GABRB1: variants seen among roughly 807,000 people sequenced by gnomAD.
GABRB1 encodes the protein gamma-aminobutyric acid receptor subunit beta-1.
Under a neutral mutation model 51.6 loss-of-function variants are expected in GABRB1, and 17 were observed. The observed-to-expected ratio is 0.33, with a 90% confidence interval of 0.23 to 0.49. GABRB1 has a LOEUF of 0.49. Ranked by LOEUF, GABRB1 falls within the 20% of genes least tolerant of loss-of-function variation. The pLI is 0.99. For missense variants in GABRB1, 410 were observed against 600.6 expected (o/e 0.68, Z 3.32); for synonymous variants, 247 against 218.9 (o/e 1.13, Z -1.14).
At chr4:47,097,777 A>T (rs1404008062) in intron 3 of GABRB1, among the ~76,000 whole-genome samples, 1 of 152,212 alleles carries the variant, frequency 6.6e-6, no homozygotes, top group African/African-American at 2.4e-5. Context: ...AATAACATTT[A>T]TATTCAACCT....
At chr4:47,103,546 A>G (rs1205478869) in intron 3 of GABRB1, among the ~76,000 whole-genome samples, 2 of 151,984 alleles carry the variant, frequency 1.3e-5, no homozygotes, top group Admixed American at 1.3e-4. Flanking sequence ...TGATTGAAGA[A>G]ATTGTCTTTC....
At chr4:47,394,207 G>T (rs753291512) in intron 5 of GABRB1, among the ~76,000 whole-genome samples, 8 of 152,148 alleles carry the variant, frequency 5.3e-5, no homozygotes, top group Non-Finnish European at 7.3e-5. Flanking sequence ...ACTTGAAAAT[G>T]GGCCACCCAG....
chr4:47,365,865 G>A (rs972622043), intron 5 of GABRB1, among the ~76,000 whole-genome samples: 2 of 152,158 alleles, frequency 1.3e-5, no homozygotes, highest in Non-Finnish European at 2.9e-5. Context: ...AGAGGTGGTG[G>A]TGACTGGCTC....
chr4:47,201,664 T>A (rs1490314489), intron 4 of GABRB1, among the ~76,000 whole-genome samples: 1 of 152,314 alleles, frequency 6.6e-6, no homozygotes, highest in Admixed American at 6.5e-5. Context: ...TTTATTATTA[T>A]GCCTAAAAAT....
chr4:47,025,342 A>G (rs1358445512), intron 1 of GABRB1, among the ~76,000 whole-genome samples: 2 of 151,906 alleles, frequency 1.3e-5, no homozygotes, highest in Non-Finnish European at 2.9e-5. Context: ...TAGTGGTTGT[A>G]CTAGTTTACA....
At chr4:47,145,918 A>T (rs1717148466) in intron 3 of GABRB1, among the ~76,000 whole-genome samples, 1 of 152,062 alleles carries the variant, frequency 6.6e-6, no homozygotes, top group Non-Finnish European at 1.5e-5. Context: ...GATGAAAAAA[A>T]TGCATCAGCA....
intron 5 of GABRB1, among the ~76,000 whole-genome samples, chr4:47,332,404 A>G (rs1432096300): frequency 6.6e-6 from 1 of 152,168 alleles, no homozygotes; most frequent in Non-Finnish European, 1.5e-5. Context: ...ATTAACATCT[A>G]CAACCTTGGA....
At chr4:47,177,954 C>T (rs982301994) in intron 4 of GABRB1, among the ~76,000 whole-genome samples, 2 of 151,582 alleles carry the variant, frequency 1.3e-5, no homozygotes, top group African/African-American at 4.8e-5. Context: ...ATTTGGGTTC[C>T]GAGTGTGAGG....
chr4:47,360,786 C>G (rs1726780334), intron 5 of GABRB1, among the ~76,000 whole-genome samples: 1 of 151,994 alleles, frequency 6.6e-6, no homozygotes, highest in Non-Finnish European at 1.5e-5. Context: ...AGCATTGGGT[C>G]AAGAATCCAC....
chr4:47,279,775 T>A (rs542912988), intron 4 of GABRB1, among the ~76,000 whole-genome samples: 1 of 152,152 alleles, frequency 6.6e-6, no homozygotes, highest in South Asian at 2.1e-4. Context: ...TCTTTTTCTA[T>A]CCCTTAATTT....
At chr4:47,175,423 C>T (rs1718653283) in intron 4 of GABRB1, among the ~76,000 whole-genome samples, 1 of 152,010 alleles carries the variant, frequency 6.6e-6, no homozygotes, top group African/African-American at 2.4e-5. Context: ...CTATAGTTAG[C>T]ACATATTAAG....
chr4:47,409,708 C>G (rs7693953), intron 8 of GABRB1, among the ~76,000 whole-genome samples: 28,660 of 152,202 alleles, frequency 0.19, 2,798 homozygotes, highest in Middle Eastern at 0.23. Flanking sequence ...GGAACTACCC[C>G]CTTCTTTCCA....
At chr4:47,024,046 A>G (rs950382548) in intron 1 of GABRB1, among the ~76,000 whole-genome samples, 4 of 151,988 alleles carry the variant, frequency 2.6e-5, no homozygotes, top group Non-Finnish European at 4.4e-5. Context: ...CTACTGTGCC[A>G]TTCAACCCAT....
chr4:47,143,960 T>C (rs1211219163), intron 3 of GABRB1, among the ~76,000 whole-genome samples: 1 of 151,900 alleles, frequency 6.6e-6, no homozygotes, highest in Non-Finnish European at 1.5e-5. Flanking sequence ...TACTCCAAAA[T>C]ATGTGCTGAA....
At chr4:47,254,574 G>A (rs562510521) in intron 4 of GABRB1, among the ~76,000 whole-genome samples, 21 of 151,556 alleles carry the variant, frequency 1.4e-4, no homozygotes, top group Admixed American at 5.9e-4. Flanking sequence ...GGGTTTCACC[G>A]TGTTAGCCAG....
chr4:47,295,863 G>A (rs528207695), intron 4 of GABRB1, among the ~76,000 whole-genome samples: 1 of 152,270 alleles, frequency 6.6e-6, no homozygotes, highest in East Asian at 1.9e-4. Flanking sequence ...AGAGAGAAAG[G>A]TCGGGTTAAC....
In GABRB1 at chr4:47,056,089, G is replaced by A. The variant is rs971235752; in HGVS notation, c.240+23605G>A. 6.6e-5 allele frequency among the ~76,000 whole-genome samples: 10 copies of A among 152,190 alleles called. No individual in the cohort carries two copies. The East Asian group carries it at 1.9e-3, about 29-fold the overall frequency. On this transcript the variant is annotated intron_variant, in intron 3 of 8. Coordinates refer to ENST00000295454, the MANE Select transcript of GABRB1 (RefSeq NM_000812.4). ...CTGATACATCCAAATTTCAACTCTT[G>A]TTCTATTAATGACTCAGGCTGGGAA...
At chr4:47,030,750 T>G (rs1318932710), upstream of GABRB1, among the ~76,000 whole-genome samples, 1 of 152,220 alleles carries the variant, frequency 6.6e-6, no homozygotes, top group African/African-American at 2.4e-5. Flanking sequence ...TGTCTGGATG[T>G]TTCAGAGTTC....
intron 3 of GABRB1, among the ~76,000 whole-genome samples, chr4:47,111,286 A>C (rs939953460): frequency 1.3e-5 from 2 of 152,108 alleles, no homozygotes; most frequent in Non-Finnish European, 2.9e-5. Context: ...GGAGAGTCCA[A>C]ACTGGGGTTT....
Sources: allele counts gnomAD v4.1 joint callset (sites outside exome capture counted in the v4.1 genomes callset), GRCh38; gene constraint gnomAD v4.1.1; transcripts MANE v1.5; gene names NCBI Gene and HGNC (gene_info 2026-07-23, HGNC 2026-07-21).